GNL3L: variants seen among roughly 807,000 people sequenced by gnomAD.
GNL3L encodes guanine nucleotide-binding protein-like 3-like protein.
GNL3L carries 4 observed loss-of-function variants against 42.9 expected under a neutral mutation model. The observed-to-expected ratio is 0.09, with a 90% confidence interval of 0.05 to 0.21. The LOEUF is 0.21. GNL3L is among the 10% of genes least tolerant of loss of function. The pLI is 1.00. For synonymous variants in GNL3L, 159 were observed against 176.3 expected (o/e 0.90, Z 0.78); for missense variants, 412 against 481.7 (o/e 0.86, Z 1.36).
chrX:54,590,312 GT>G (rs1200450669), intron 16 of GNL3L, among the ~76,000 whole-genome samples: 8 of 112,316 alleles, frequency 7.1e-5, no homozygotes, highest in African/African-American at 2.6e-4. Flanking sequence ...GATGAATGAT[GT>G]TGAGCATCTT....
rs182216410 is a variant in GNL3L at position 54,533,182 on chromosome X, T to C, written c.19+597T>C. 7.3e-5 allele frequency among the ~76,000 whole-genome samples: 8 copies of C among 110,295 alleles called. No homozygotes were observed. The East Asian group carries it at 2.3e-3, about 31-fold the overall frequency. ...TATCACACTGCCTGTAACCCCGACA[T>C]GTCCTAACATTTTTCTCTATCAGTT... On this transcript the variant is annotated intron_variant, in intron 2 of 15. Coordinates refer to ENST00000360845, the MANE Select transcript of GNL3L (RefSeq NM_001184819.2).
At chrX:54,592,814 C>G in intron 16 of GNL3L, among the ~76,000 whole-genome samples, 1 of 80,272 alleles carries the variant, frequency 1.2e-5, no homozygotes, top group East Asian at 3.8e-4. Context: ...AACCCTGTCT[C>G]AAAAAAAAAA....
intron 1 of GNL3L, among the ~76,000 whole-genome samples, 159 bp from the exon 2 acceptor site, chrX:54,532,360 AG>A: frequency 9.0e-6 from 1 of 111,005 alleles, no homozygotes; most frequent in East Asian, 2.9e-4. Flanking sequence ...GTGTGGACTC[AG>A]CCATATGAGG....
intron 16 of GNL3L, among the ~76,000 whole-genome samples, chrX:54,600,422 C>T (rs1380933584): frequency 9.3e-6 from 1 of 107,429 alleles, no homozygotes; most frequent in East Asian, 2.9e-4. Context: ...GAGAGGGTTT[C>T]TCCATGTTGA....
chrX:54,579,401 T>G (rs1310402156), intron 16 of GNL3L, among the ~76,000 whole-genome samples: 1 of 111,919 alleles, frequency 8.9e-6, no homozygotes, highest in Non-Finnish European at 1.9e-5. Context: ...GTTTTAAAAT[T>G]AATTTAGTTT....
chrX:54,595,848 T>C (rs2147523385), intron 16 of GNL3L, among the ~76,000 whole-genome samples: 1 of 112,528 alleles, frequency 8.9e-6, no homozygotes, highest in East Asian at 2.8e-4. Context: ...GCCACTTGGA[T>C]TTTTCAACTC....
At chrX:54,530,989 T>C (rs1453985913) in intron 1 of GNL3L, among the ~76,000 whole-genome samples, 3 of 112,115 alleles carry the variant, frequency 2.7e-5, no homozygotes, top group African/African-American at 6.5e-5. Context: ...CCTCAGCTTA[T>C]GGACAACTAA....
chrX:54,535,351 T>TCA (rs1924388422), intron 2 of GNL3L, among the ~76,000 whole-genome samples: 1 of 111,187 alleles, frequency 9.0e-6, no homozygotes, highest in Non-Finnish European at 1.9e-5. Context: ...ACTCCTGACC[T>TCA]AGTGATCCGC....
At chrX:54,626,615 G>A in the GNL3L span, among the ~76,000 whole-genome samples, 3 of 111,647 alleles carry the variant, frequency 2.7e-5, no homozygotes, top group Admixed American at 1.9e-4. Context: ...TTTTATGTCT[G>A]CACTAATTAT....
At chrX:54,628,864 T>A in the GNL3L span, among the ~76,000 whole-genome samples, 3 of 106,578 alleles carry the variant, frequency 2.8e-5, no homozygotes, top group Non-Finnish European at 5.8e-5. Context: ...GAAGTTTTTT[T>A]AGTTTAATTA....
Position 54,564,442 on chromosome X carries a change from T to C in GNL3L, c.*3840T>C, listed in dbSNP as rs1407707980. On this transcript the variant is annotated 3_prime_UTR_variant, in exon 16 of 16. Transcript: ENST00000360845. ...TTTTTTGAGACAGAGTCTAGCTCTG[T>C]TGTCCAGGCTGGAGTGGTGCAGTGG... 1.0e-5 allele frequency among the ~76,000 whole-genome samples: 1 copy of C among 99,388 alleles called. No individual in the cohort carries two copies. Among genetic ancestry groups the C allele is most frequent in the Admixed American group, 1.1e-4 (1 of 9,053 alleles). 86.3% of individuals were successfully genotyped at this position (99,388 alleles called of 115,157 possible).
At chrX:54,568,356 A>G (rs1208180807), downstream of GNL3L, among the ~76,000 whole-genome samples, 1 of 111,164 alleles carries the variant, frequency 9.0e-6, no homozygotes, top group Non-Finnish European at 1.9e-5. Context: ...AAACAACACA[A>G]ATCTATCATC....
Position 54,619,185 on chromosome X carries a change from T to C in GNL3L, c.*46-1660T>C, listed in dbSNP as rs774395706. On this transcript the variant is annotated intron_variant, in intron 16 of 16. Transcript: ENST00000674498. ...AAGTATATATATATACAAAGACATTTATTACATTATTGTTCACAATAAGGA... is the reference window on the plus strand; with the variant it reads ...AAGTATATATATATACAAAGACATTCATTACATTATTGTTCACAATAAGGA... Among the ~76,000 whole-genome samples the C allele has an allele frequency of 9.9e-5, 11 of 111,533 alleles. 1 individual carries two copies. The highest frequency in any genetic ancestry group is 7.6e-4 in the Admixed American group (8 of 10,458).
chrX:54,535,717 A>G (rs1265040237), intron 2 of GNL3L, among the ~76,000 whole-genome samples: 1 of 111,521 alleles, frequency 9.0e-6, no homozygotes, highest in East Asian at 2.8e-4. Flanking sequence ...TTGGTATTTC[A>G]GTTCTGAGCT....
In GNL3L at chrX:54,563,320, A is replaced by G. The variant is rs1050770628; in HGVS notation, c.*2718A>G. Among the ~76,000 whole-genome samples the G allele has an allele frequency of 9.0e-6, 1 of 111,654 alleles. No individual in the cohort carries two copies. The highest frequency in any genetic ancestry group is 3.3e-5 in the African/African-American group (1 of 30,704). On this transcript the variant is annotated 3_prime_UTR_variant, in exon 16 of 16. Transcript: ENST00000360845. ...TTATGATGGGGCTACTTCCTGGTAA[A>G]CCCATTGTAATGTGCAAATTACGGG...
chrX:54,621,017 G>A (rs745652383), exon 17 of GNL3L, among the ~76,000 whole-genome samples: 4 of 112,078 alleles, frequency 3.6e-5, no homozygotes, highest in South Asian at 3.7e-4. Flanking sequence ...GAAACAGATC[G>A]CTACACAATG....
At chrX:54,621,319 G>A (rs1050062900) in exon 17 of GNL3L, among the ~76,000 whole-genome samples, 1 of 111,966 alleles carries the variant, frequency 8.9e-6, no homozygotes, top group East Asian at 2.8e-4. Context: ...TCATGCTGTA[G>A]AGACCAAATG....
At chrX:54,551,464 C>T in intron 10 of GNL3L, 104 bp from the exon 11 acceptor site, 1 of 643,805 alleles carries the variant, frequency 1.6e-6, no homozygotes, top group Non-Finnish European at 2.5e-6. Flanking sequence ...GTCTCTAATG[C>T]ACCCTCCCCT....
chrX:54,544,488 A>C (rs1924716380), intron 8 of GNL3L, among the ~76,000 whole-genome samples, 162 bp downstream of exon 8: 1 of 84,456 alleles, frequency 1.2e-5, no homozygotes, highest in Non-Finnish European at 2.3e-5. Context: ...TTTTTTTTTG[A>C]GATGGAGTTT....
Sources: gnomAD v4.1 joint callset for allele counts (sites outside exome capture counted in the v4.1 genomes callset) on GRCh38, gnomAD v4.1.1 for gene constraint, MANE v1.5 for transcripts, NCBI Gene and HGNC (gene_info 2026-07-23, HGNC 2026-07-21) for gene names.